Variants in TECPR1 observed in about 807,000 individuals in gnomAD.
The protein encoded by TECPR1 is tectonin beta-propeller repeat-containing protein 1.
In TECPR1, 122 loss-of-function variants were observed where a neutral mutation model predicts 162.4. The ratio of observed to expected loss-of-function variants is 0.75; its 90% CI spans 0.65 to 0.87. TECPR1 has a LOEUF of 0.87. TECPR1 is among the 40% of genes least tolerant of loss of function. The probability of loss-of-function intolerance (pLI) is 0.00; values close to 1 mark genes in which losing one functional copy is unlikely to be tolerated. For synonymous variants in TECPR1, 642 were observed against 670.6 expected (o/e 0.96, Z 0.66); for missense variants, 1,432 against 1,618.2 (o/e 0.88, Z 1.97).
chr7:98,238,505 A>C lies in TECPR1; in HGVS notation c.1035+4T>G. 1.9e-6 allele frequency: 3 copies of C among 1,557,422 alleles called. No individual in the cohort carries two copies. The highest frequency in any genetic ancestry group is 2.6e-6 in the Non-Finnish European group (3 of 1,150,828). On this transcript the variant is annotated splice_donor_region_variant and intron_variant, in intron 9 of 25. Transcript: ENST00000447648. The stretch of plus-strand genomic sequence containing the variant: ...GTTTAGGGGCTGCAGACCCACGTGC[A>C]CACCTGGTCGTTCATTCCCACGTTC...
At chr7:98,223,633 G>A (rs200099815) in intron 20 of TECPR1, 29 bp downstream of exon 20, 321 of 1,612,828 alleles carry the variant, frequency 2.0e-4, no homozygotes, top group Admixed American at 1.2e-3. Flanking sequence ...GAGCCTGACC[G>A]TGACAGTCAC....
chr7:98,228,933 G>A, intron 16 of TECPR1, 106 bp downstream of exon 16: 17 of 1,436,590 alleles, frequency 1.2e-5, no homozygotes, highest in Non-Finnish European at 1.6e-5. Context: ...TGTTAGCCGA[G>A]TGTGAACACT....
chr7:98,228,864 A>C, intron 16 of TECPR1, 175 bp downstream of exon 16: 1 of 863,608 alleles, frequency 1.2e-6, no homozygotes, highest in Non-Finnish European at 1.7e-6. Flanking sequence ...CGAAGTGGGT[A>C]CTGGCAGGGA....
chr7:98,234,313 C>T (rs1261457740), intron 10 of TECPR1, among the ~76,000 whole-genome samples: 1 of 152,186 alleles, frequency 6.6e-6, no homozygotes, highest in Non-Finnish European at 1.5e-5. Context: ...CACCACCACG[C>T]CTGGCTAATT....
In TECPR1 at chr7:98,223,076, C is replaced by T; in HGVS notation, c.2842G>A (p.Gly948Arg). Residue 948 changes from glycine to arginine, a missense_variant, in exon 21 of 26, where the codon GGG (glycine) becomes AGG (arginine). Transcript: ENST00000447648. ...CAGAGGGCGATGCTGTGCCCACTCC[C>T]CTCGGCACCCGGGCTCTCCGGGATG... is the stretch of plus-strand genomic sequence containing the variant. ...SIIPESPGAE[G>R]SGHSIALWAV... 6.2e-7 allele frequency: 1 copy of T among 1,605,048 alleles called. No individual in the cohort carries two copies. The highest frequency in any genetic ancestry group is 8.5e-7 in the Non-Finnish European group (1 of 1,176,484).
At position 98,217,728 on chromosome 7, in the gene TECPR1, G is replaced by C. The variant is rs2279676; in HGVS notation, c.3348C>G (p.His1116Gln). 5 of 1,549,444 alleles carry C rather than the reference G, an allele frequency of 3.2e-6. No homozygotes were observed. Among genetic ancestry groups the C allele is most frequent in the Middle Eastern group, 1.7e-4 (1 of 5,796 alleles). ...TVCHRTGVQP[H>Q]EPKGHGWDYG... ...AGTCCCAGCCGTGGCCCTTGGGCTC[G>C]TGAGGCTGCACGCCGGTGCGATGAC... Residue 1116 changes from histidine (H) to glutamine (Q), a missense_variant, in exon 25 of 26, where the codon CAC becomes CAG. Coordinates refer to ENST00000447648, the MANE Select transcript of TECPR1 (RefSeq NM_015395.3).
intron 16 of TECPR1, chr7:98,228,401 GC>G: frequency 7.4e-6 from 3 of 405,384 alleles, no homozygotes; most frequent in Admixed American, 3.5e-5. Flanking sequence ...TTCCCACCTT[GC>G]CCTCCTACTT....
intron 2 of TECPR1, among the ~76,000 whole-genome samples, chr7:98,248,491 C>G (rs556184404): frequency 3.2e-5 from 4 of 126,826 alleles, no homozygotes; most frequent in African/African-American, 1.2e-4. Flanking sequence ...GACGATGGCA[C>G]GAGATAGAAG....
At chr7:98,239,715 T>C (rs548579817) in intron 8 of TECPR1, among the ~76,000 whole-genome samples, 1 of 151,502 alleles carries the variant, frequency 6.6e-6, no homozygotes, top group Non-Finnish European at 1.5e-5. Flanking sequence ...GGGCTGGGAG[T>C]GGCCTCAGAC....
intron 23 of TECPR1, among the ~76,000 whole-genome samples, chr7:98,219,209 C>T (rs148697392): frequency 2.7e-3 from 416 of 152,134 alleles, no homozygotes; most frequent in Non-Finnish European, 4.7e-3. Flanking sequence ...AAACTGGATC[C>T]GTATCTCTCA....
rs760776991 is a variant in TECPR1 at position 98,241,187 on chromosome 7, G to T, written c.715C>A (p.Leu239Met). 1.2e-6 allele frequency: 2 copies of T among 1,612,910 alleles called. No individual in the cohort carries two copies. Among genetic ancestry groups the T allele is most frequent in the South Asian group, 2.2e-5 (2 of 91,082 alleles). Residue 239 changes from leucine (L) to methionine (M), a missense_variant, in exon 7 of 26, where the codon CTG becomes ATG. By Grantham distance (15) the Leu-to-Met change is conservative (BLOSUM62 2). Transcript: ENST00000447648. This position sits in a 1 kb window ranked among gnomAD's most constrained non-coding sequence, Gnocchi z 5.0. ...TGAACCACCTCCCCGGGGGTGTCCAGCAGGGACCAGGAGGACCCTTCGGGG... is the reference window on the plus strand; with the variant it reads ...TGAACCACCTCCCCGGGGGTGTCCATCAGGGACCAGGAGGACCCTTCGGGG... ...SNPEGSSWSL[L>M]DTPGEVVQIS...
In TECPR1 at chr7:98,231,266, C is replaced by T. The variant is rs781315822; in HGVS notation, c.2082G>A (p.Pro694=). The T allele has an allele frequency of 3.9e-5, 63 of 1,612,906 alleles. No homozygotes were observed. The highest frequency in any genetic ancestry group is 5.0e-5 in the Non-Finnish European group (59 of 1,179,718). Reference sequence around the variant, plus strand: ...GCTCGGTGGCAGCAGCCAGACGCACCGGCCACCTCTGCCGTGTCCGCTCAG... The same window carrying T: ...GCTCGGTGGCAGCAGCCAGACGCACTGGCCACCTCTGCCGTGTCCGCTCAG... ...YTPERTRQRW[P]VRLAAATEQD... is the part of the protein sequence containing the mutation. The change falls in exon 14 of 26, where the codon CCG becomes CCA. Residue 694 remains proline, a synonymous_variant. Coordinates refer to ENST00000447648, the MANE Select transcript of TECPR1 (RefSeq NM_015395.3).
chr7:98,240,163 A>G (rs1233064425), intron 8 of TECPR1, among the ~76,000 whole-genome samples: 2 of 152,078 alleles, frequency 1.3e-5, no homozygotes, highest in Admixed American at 6.6e-5. Flanking sequence ...GGCTGGTTTT[A>G]TTGGACTTGC....
At chr7:98,246,233 C>T (rs1311524516) in intron 2 of TECPR1, 68 bp from the exon 3 acceptor site, 4 of 957,146 alleles carry the variant, frequency 4.2e-6, no homozygotes, top group African/African-American at 3.3e-5. Flanking sequence ...CATGTGAAAC[C>T]TGGGAGACTT....
chr7:98,220,659 C>T (rs1160142823), intron 23 of TECPR1, among the ~76,000 whole-genome samples: 1 of 151,770 alleles, frequency 6.6e-6, no homozygotes, highest in Non-Finnish European at 1.5e-5. Context: ...CTGGGGTTCA[C>T]GCCATTCTCC....
rs1416567811 is a variant in TECPR1 at position 98,231,763 on chromosome 7, G to A, written c.1974+41C>T. The A allele has an allele frequency of 3.8e-6, 6 of 1,592,150 alleles. No individual in the cohort carries two copies. The Middle Eastern group carries it at 5.0e-4, about 132-fold the overall frequency. On this transcript the variant is annotated intron_variant, in intron 13 of 25. Transcript: ENST00000447648. ...CCCTCCTCTAGCACCCCAGCCCTGT[G>A]TCCCCTCCCTGGCCCCATCTCCTGT...
chr7:98,238,462 C>T (rs1798655242), intron 9 of TECPR1, 47 bp downstream of exon 9: 4 of 1,480,682 alleles, frequency 2.7e-6, no homozygotes, highest in Non-Finnish European at 2.8e-6. Flanking sequence ...CAGGAGCCCC[C>T]ATTCTGAGAC....
intron 13 of TECPR1, 88 bp downstream of exon 13, chr7:98,231,716 C>T (rs1209611437): frequency 1.3e-6 from 2 of 1,503,256 alleles, no homozygotes; most frequent in Admixed American, 1.8e-5. Context: ...TACCCCTCCC[C>T]TGGGCACCCC....
rs199645069 is a variant in TECPR1 at position 98,233,787 on chromosome 7, C to A, written c.1306G>T (p.Asp436Tyr). The A allele has an allele frequency of 3.1e-6, 5 of 1,611,568 alleles. No individual in the cohort carries two copies. The highest frequency in any genetic ancestry group is 1.3e-5 in the African/African-American group (1 of 74,914). Residue 436 changes from aspartate to tyrosine, a missense_variant, in exon 11 of 26, where the codon GAT (aspartate) becomes TAT (tyrosine). Physicochemically the swap from Asp to Tyr is radical, Grantham distance 160 (BLOSUM62 -3). Coordinates refer to ENST00000447648, the MANE Select transcript of TECPR1 (RefSeq NM_015395.3). ...GQILPAEPLD[D>Y]SKNATGNSAS... ...GAGTTCCCTGTGGCATTCTTGGAAT[C>A]GTCTAGAGGTTCTGCAGGGAGAATC...
Sources: allele counts gnomAD v4.1 joint callset (sites outside exome capture counted in the v4.1 genomes callset), GRCh38; gene constraint gnomAD v4.1.1; non-coding constraint Gnocchi (gnomAD v3.1); transcripts MANE v1.5; gene names NCBI Gene and HGNC (gene_info 2026-07-23, HGNC 2026-07-21).